Variants in PALM2AKAP2 observed in about 807,000 individuals in gnomAD.
The protein encoded by PALM2AKAP2 is PALM2-AKAP2 fusion protein.
In PALM2AKAP2, 37 loss-of-function variants were observed where a neutral mutation model predicts 71.5. The ratio of observed to expected loss-of-function variants is 0.52; its 90% confidence interval spans 0.40 to 0.68. The LOEUF is 0.68. Ranked by LOEUF, PALM2AKAP2 falls within the 30% of genes least tolerant of loss-of-function variation. The probability of loss-of-function intolerance (pLI) is 0.00; values close to 1 mark genes in which losing one functional copy is unlikely to be tolerated. For missense variants in PALM2AKAP2, 1,224 were observed against 1,191.8 expected, an observed-to-expected ratio of 1.03 and a Z score of -0.40; for synonymous variants, 468 against 478.8, an observed-to-expected ratio of 0.98 and a Z score of 0.29.
At chr9:110,091,000 A>T (rs1016033936) in intron 1 of PALM2AKAP2, among the ~76,000 whole-genome samples, 1 of 151,784 alleles carries the variant, frequency 6.6e-6, no homozygotes, top group African/African-American at 2.4e-5. Flanking sequence ...TGCTGACAAC[A>T]TAGGTCGGCA....
chr9:109,794,200 T>C (rs192799809), intron 1 of PALM2AKAP2, among the ~76,000 whole-genome samples: 67 of 152,348 alleles, frequency 4.4e-4, no homozygotes, highest in African/African-American at 1.5e-3. Flanking sequence ...TTTGCCGCTG[T>C]GGAATTTTCT....
At chr9:110,043,522 A>G (rs555899774) in intron 7 of PALM2AKAP2, among the ~76,000 whole-genome samples, 30 of 152,302 alleles carry the variant, frequency 2.0e-4, no homozygotes, top group Non-Finnish European at 3.7e-4. Flanking sequence ...TCAATAAAGT[A>G]TAATCACTTG....
intron 6 of PALM2AKAP2, among the ~76,000 whole-genome samples, chr9:110,001,598 C>T (rs1832682407): frequency 1.3e-5 from 2 of 152,118 alleles, no homozygotes; most frequent in African/African-American, 2.4e-5. Context: ...TATAAATTAC[C>T]TTGGACAGTA....
chr9:109,855,535 T>G (rs1829140019), intron 1 of PALM2AKAP2, among the ~76,000 whole-genome samples: 1 of 152,248 alleles, frequency 6.6e-6, no homozygotes, highest in African/African-American at 2.4e-5. Context: ...GAGGGTGTAA[T>G]GAAGTTCGTC....
chr9:110,021,900 A>G (rs192903027), intron 7 of PALM2AKAP2, among the ~76,000 whole-genome samples: 1 of 152,322 alleles, frequency 6.6e-6, no homozygotes, highest in Non-Finnish European at 1.5e-5. Flanking sequence ...ATTTTTAATA[A>G]GTGCTCCAAG....
intron 1 of PALM2AKAP2, among the ~76,000 whole-genome samples, chr9:109,763,069 T>C (rs146144882): frequency 9.9e-4 from 150 of 152,154 alleles, no homozygotes; most frequent in African/African-American, 3.5e-3. Flanking sequence ...GGGTAGAGCC[T>C]TTTCAAGGAT....
chr9:110,015,542 G>T (rs924422255), intron 6 of PALM2AKAP2, among the ~76,000 whole-genome samples: 11 of 152,128 alleles, frequency 7.2e-5, no homozygotes, highest in Admixed American at 7.2e-4. Flanking sequence ...GGAGGCGGAG[G>T]TTGCAGTGAG....
chr9:109,863,414 C>A (rs1347117004), intron 1 of PALM2AKAP2, among the ~76,000 whole-genome samples: 1 of 152,072 alleles, frequency 6.6e-6, no homozygotes, highest in African/African-American at 2.4e-5. Flanking sequence ...GAAGAAGGAA[C>A]AGGTGTGAAG....
chr9:109,732,891 A>G (rs1828577669), intron 1 of PALM2AKAP2, among the ~76,000 whole-genome samples: 1 of 152,144 alleles, frequency 6.6e-6, no homozygotes, highest in Non-Finnish European at 1.5e-5. Flanking sequence ...TTGCTGAGGT[A>G]TAAAGACCCT....
At chr9:109,902,098 G>A (rs1196491095) in intron 3 of PALM2AKAP2, among the ~76,000 whole-genome samples, 2 of 152,182 alleles carry the variant, frequency 1.3e-5, no homozygotes, top group African/African-American at 4.8e-5. Context: ...AGCGAAAAGG[G>A]TACGTTTTTC....
intron 6 of PALM2AKAP2, among the ~76,000 whole-genome samples, chr9:109,934,333 T>A (rs1376847001): frequency 6.6e-6 from 1 of 152,170 alleles, no homozygotes; most frequent in Admixed American, 6.5e-5. Flanking sequence ...GCCTTCATCA[T>A]CCACCCACTT....
At chr9:109,644,327 G>A (rs1487702108) in intron 1 of PALM2AKAP2, among the ~76,000 whole-genome samples, 1 of 151,948 alleles carries the variant, frequency 6.6e-6, no homozygotes, top group African/African-American at 2.4e-5. Flanking sequence ...TTCATCTCCG[G>A]TAGAAAAGCC....
rs531584844 is a variant in PALM2AKAP2, at chr9:109,732,527, C to T, written c.6-47961C>T. 3.1e-4 allele frequency among the ~76,000 whole-genome samples: 47 copies of T among 152,136 alleles called. No homozygotes were observed. The South Asian group carries it at 8.7e-3, about 28-fold the overall frequency. ...TTATTAGATTGATGGGTGGTGGGCA[C>T]GCAAGGTTAGACTAGTTAGGAAAGA... On this transcript the variant is annotated intron_variant, in intron 1 of 6. Transcript: ENST00000374531.
intron 1 of PALM2AKAP2, among the ~76,000 whole-genome samples, chr9:110,078,051 C>T (rs904248170): frequency 6.6e-6 from 1 of 151,800 alleles, no homozygotes; most frequent in Non-Finnish European, 1.5e-5. Context: ...ATACTGTAGG[C>T]CTTGCAGGCC....
intron 6 of PALM2AKAP2, among the ~76,000 whole-genome samples, chr9:109,983,505 C>A (rs1329397660): frequency 6.6e-6 from 1 of 151,962 alleles, no homozygotes; most frequent in African/African-American, 2.4e-5. Flanking sequence ...TTTCTTAACC[C>A]CATATTCTAC....
chr9:109,799,315 G>A (rs940897877), intron 1 of PALM2AKAP2, among the ~76,000 whole-genome samples: 3 of 152,222 alleles, frequency 2.0e-5, no homozygotes, highest in Non-Finnish European at 1.5e-5. Context: ...TGGTCTGTGA[G>A]AGGCTGAGAG....
At chr9:110,156,649 G>A (rs1836464933) in intron 3 of PALM2AKAP2, 152 bp downstream of exon 9, 2 of 1,214,686 alleles carry the variant, frequency 1.6e-6, no homozygotes, top group East Asian at 3.0e-5. Flanking sequence ...TCACATGCCT[G>A]GAACTGGGTT....
At chr9:109,663,618 A>G (rs1250852255) in intron 1 of PALM2AKAP2, among the ~76,000 whole-genome samples, 6 of 152,180 alleles carry the variant, frequency 3.9e-5, no homozygotes, top group Non-Finnish European at 7.3e-5. Flanking sequence ...TATGTGGTCA[A>G]TTTTATAATA....
At chr9:109,982,416 C>T (rs1055688856) in intron 6 of PALM2AKAP2, among the ~76,000 whole-genome samples, 1 of 152,008 alleles carries the variant, frequency 6.6e-6, no homozygotes, top group Non-Finnish European at 1.5e-5. Context: ...TAACTACAGT[C>T]AATAATAATT....
Sources: allele counts gnomAD v4.1 joint callset (sites outside exome capture counted in the v4.1 genomes callset), GRCh38; gene constraint gnomAD v4.1.1; transcripts MANE v1.5; gene names NCBI Gene and HGNC (gene_info 2026-07-23, HGNC 2026-07-21).